Variants in COG5 observed in about 807,000 individuals in gnomAD.
The protein encoded by COG5 is conserved oligomeric Golgi complex subunit 5.
In COG5, 86 loss-of-function variants were observed where a neutral mutation model predicts 110.4. That is an observed-to-expected ratio of 0.78 (90% CI 0.65 to 0.93). COG5 has a LOEUF of 0.93. Ranked by LOEUF, COG5 falls within the 40% of genes least tolerant of loss-of-function variation. The pLI is 0.00. For synonymous variants in COG5, 360 were observed against 334.6 expected, an observed-to-expected ratio of 1.08 and a Z score of -0.83; for missense variants, 1,077 against 987.0, an observed-to-expected ratio of 1.09 and a Z score of -1.22.
chr7:107,256,657 G>T, intron 16 of COG5, 75 bp downstream of exon 16: 1 of 901,226 alleles, frequency 1.1e-6, no homozygotes, highest in South Asian at 1.4e-5. Context: ...TATAAAATGT[G>T]ACATTGCCCA....
At position 107,362,406 on chromosome 7, in the gene COG5, A is replaced by G; in HGVS notation, c.850T>C (p.Ser284Pro). ...GTATTTCCTGGGGTTGGCATGGTAG[A>G]TCGTCCAGGTCCCCCTGGTTATGAG... is the stretch of plus-strand genomic sequence containing the variant. Reference protein sequence around the residue: ...QSAVRGGPGRSTMPTPGNTAA... With the variant: ...QSAVRGGPGRPTMPTPGNTAA... The change falls in exon 9 of 22, where the codon TCT becomes CCT. Residue 284 changes from serine to proline, a missense_variant. Coordinates refer to ENST00000297135, the MANE Select transcript of COG5 (RefSeq NM_006348.5). The G allele has an allele frequency of 6.2e-7, 1 of 1,613,280 alleles. No individual in the cohort carries two copies. Among genetic ancestry groups the G allele is most frequent in the East Asian group, 2.2e-5 (1 of 44,866 alleles).
At chr7:107,536,406 A>G (rs1222211303) in intron 5 of COG5, among the ~76,000 whole-genome samples, 1 of 152,232 alleles carries the variant, frequency 6.6e-6, no homozygotes, top group Non-Finnish European at 1.5e-5. Flanking sequence ...TAAGCTGATA[A>G]GCAACTTCAG....
intron 21 of COG5, chr7:107,208,585 G>A: frequency 1.0e-6 from 1 of 985,424 alleles, no homozygotes; most frequent in Middle Eastern, 5.2e-4. Context: ...AAATCCCTGT[G>A]TTAGCCCAGG....
intron 10 of COG5, among the ~76,000 whole-genome samples, chr7:107,342,878 A>C (rs1811288355): frequency 6.6e-6 from 1 of 152,188 alleles, no homozygotes; most frequent in Non-Finnish European, 1.5e-5. Flanking sequence ...TATATATTCA[A>C]AATAAAATAA....
chr7:107,334,785 A>G (rs1810568724), intron 10 of COG5, among the ~76,000 whole-genome samples: 1 of 152,142 alleles, frequency 6.6e-6, no homozygotes, highest in Admixed American at 6.5e-5. Context: ...TCTGAAAGAA[A>G]AAAAAAAACA....
At chr7:107,561,724 C>T (rs1398341549) in intron 1 of COG5, among the ~76,000 whole-genome samples, 1 of 152,194 alleles carries the variant, frequency 6.6e-6, no homozygotes, top group Non-Finnish European at 1.5e-5. Flanking sequence ...CGCCTGTAAT[C>T]CCAGCACTCT....
chr7:107,543,466 G>C (rs1802199462), intron 5 of COG5, among the ~76,000 whole-genome samples: 1 of 152,080 alleles, frequency 6.6e-6, no homozygotes, highest in East Asian at 1.9e-4. Context: ...TACATCTCCT[G>C]GCCCACTCCA....
At chr7:107,460,806 T>C (rs749872277) in intron 6 of COG5, among the ~76,000 whole-genome samples, 1 of 152,028 alleles carries the variant, frequency 6.6e-6, no homozygotes, top group African/African-American at 2.4e-5. Flanking sequence ...ATAATTAAAA[T>C]ACAATGAGGA....
chr7:107,412,481 AAAC>A lies in COG5; in HGVS notation c.669+18_669+20del. On this transcript the variant is annotated intron_variant, in intron 7 of 21. Transcript: ENST00000297135. Reference sequence around the variant, plus strand: ...ATTATGACACATTTTTTACATTAAAAAACAGTCTTATTTTTATTACCTGAGTCT... The same window carrying A: ...ATTATGACACATTTTTTACATTAAAAAGTCTTATTTTTATTACCTGAGTCT... The A allele has an allele frequency of 6.2e-7, 1 of 1,602,668 alleles. No individual in the cohort carries two copies.
intron 6 of COG5, among the ~76,000 whole-genome samples, chr7:107,440,716 A>G (rs995587486): frequency 6.6e-6 from 1 of 152,132 alleles, no homozygotes; most frequent in Non-Finnish European, 1.5e-5. Context: ...ATGTAATGGA[A>G]CCTCCATAAA....
At chr7:107,413,187 C>T (rs918813569) in intron 6 of COG5, among the ~76,000 whole-genome samples, 1 of 150,802 alleles carries the variant, frequency 6.6e-6, no homozygotes, top group Non-Finnish European at 1.5e-5. Context: ...CAACTATTCT[C>T]TTTTTTTTTA....
chr7:107,490,096 T>C (rs1310453437), intron 6 of COG5, among the ~76,000 whole-genome samples: 1 of 152,224 alleles, frequency 6.6e-6, no homozygotes, highest in East Asian at 1.9e-4. Context: ...GAATAAATTA[T>C]TTTTAAAAGG....
Position 107,508,763 on chromosome 7 carries a change from C to T in COG5, c.538+18474G>A, listed in dbSNP as rs577905765. ...ACAGCCACCGCTGTTCTGCAGCCAC[C>T]GCTGCTGATACCCAGGCAAACAGGG... On this transcript the variant is annotated intron_variant, in intron 6 of 21. Coordinates refer to ENST00000297135, the MANE Select transcript of COG5 (RefSeq NM_006348.5). Among the ~76,000 whole-genome samples the T allele has an allele frequency of 5.9e-5, 9 of 152,286 alleles. 1 individual carries two copies. The South Asian group carries it at 1.0e-3, about 18-fold the overall frequency.
intron 10 of COG5, among the ~76,000 whole-genome samples, chr7:107,325,175 T>C (rs1809656274): frequency 6.6e-6 from 1 of 152,082 alleles, no homozygotes; most frequent in Non-Finnish European, 1.5e-5. Flanking sequence ...AAAAGACAAA[T>C]ATTAATTAAA....
Position 107,256,758 on chromosome 7 carries a change from C to A in COG5, c.1723G>T (p.Glu575Ter), listed in dbSNP as rs181383048. 1 of 1,611,074 alleles carries A rather than the reference C, an allele frequency of 6.2e-7. No individual in the cohort carries two copies. Among genetic ancestry groups the A allele is most frequent in the African/African-American group, 1.3e-5 (1 of 74,940 alleles). Residue 575 changes from glutamate (E) to a stop codon, truncating the protein, a stop_gained, in exon 16 of 22, where the codon GAG (glutamate) becomes TAG (stop). Coordinates refer to ENST00000297135, the MANE Select transcript of COG5 (RefSeq NM_006348.5). LOFTEE classifies it high-confidence loss of function. ...TTTAGAGCTGAAATTATAGTTTGCT[C>A]AGCTGCCAGTGGGAATGAGCTCTGA... ...SSQSSFPLAA[E>*]QTIISALKAI...
At chr7:107,489,529 T>C (rs1396424817) in intron 6 of COG5, among the ~76,000 whole-genome samples, 2 of 152,146 alleles carry the variant, frequency 1.3e-5, no homozygotes, top group African/African-American at 4.8e-5. Context: ...TTACCACCTC[T>C]ACCAGAGTAC....
intron 6 of COG5, among the ~76,000 whole-genome samples, chr7:107,448,367 T>C (rs1795136596): frequency 1.3e-5 from 2 of 152,180 alleles, no homozygotes; most frequent in South Asian, 2.1e-4. Context: ...TTCTTTCTTT[T>C]TTTTGGCTAA....
intron 6 of COG5, among the ~76,000 whole-genome samples, chr7:107,416,046 C>A (rs1231641493): frequency 1.4e-5 from 2 of 143,272 alleles, no homozygotes; most frequent in African/African-American, 5.3e-5. Context: ...ATATAAATAG[C>A]AACATTGTAA....
intron 6 of COG5, among the ~76,000 whole-genome samples, chr7:107,507,942 C>T (rs1431141821): frequency 1.3e-5 from 2 of 152,184 alleles, no homozygotes; most frequent in Admixed American, 1.3e-4. Context: ...GGAACAGCTC[C>T]CAGCGTGAGC....
Sources: allele counts gnomAD v4.1 joint callset (sites outside exome capture counted in the v4.1 genomes callset), GRCh38; gene constraint gnomAD v4.1.1; transcripts MANE v1.5; gene names NCBI Gene and HGNC (gene_info 2026-07-23, HGNC 2026-07-21).